CIROZ: variants seen among roughly 807,000 people sequenced by gnomAD.
CIROZ encodes the protein ciliated left-right organizer protein containing ZP-N domains.
the CIROZ span, chr1:10,981,929 G>GAAT: frequency 1.3e-3 from 1,915 of 1,486,566 alleles, 18 homozygotes; most frequent in African/African-American, 0.021. Flanking sequence ...GATTCTGATG[G>GAAT]AAGATATTTG....
the CIROZ span, chr1:10,949,850 A>G: frequency 1.3e-6 from 2 of 1,493,788 alleles, no homozygotes; most frequent in Non-Finnish European, 1.8e-6. Context: ...CCTTCCTCCT[A>G]AGGAAGCAAA....
chr1:10,967,391 G>A, the CIROZ span, among the ~76,000 whole-genome samples: 1 of 151,996 alleles, frequency 6.6e-6, no homozygotes, highest in Non-Finnish European at 1.5e-5. Context: ...TATCCACATG[G>A]CTGACTCCCC....
the CIROZ span, chr1:10,964,403 A>T: frequency 8.8e-7 from 1 of 1,139,630 alleles, no homozygotes; most frequent in Non-Finnish European, 1.2e-6. Context: ...CTTGTGGAAG[A>T]GGGATGGGAA....
chr1:10,968,703 T>C, the CIROZ span, among the ~76,000 whole-genome samples: 1 of 152,214 alleles, frequency 6.6e-6, no homozygotes, highest in Non-Finnish European at 1.5e-5. Flanking sequence ...CATCCCCACC[T>C]GGCGCTGCCA....
At chr1:10,961,801 TA>T in the CIROZ span, among the ~76,000 whole-genome samples, 6 of 151,600 alleles carry the variant, frequency 4.0e-5, no homozygotes, top group African/African-American at 1.5e-4. Context: ...AAAAATATTT[TA>T]AAAATCAACT....
chr1:10,977,151 C>T, the CIROZ span, among the ~76,000 whole-genome samples: 1 of 151,752 alleles, frequency 6.6e-6, no homozygotes, highest in Non-Finnish European at 1.5e-5. Flanking sequence ...TACAGTGAGA[C>T]CCTAGTGCTG....
the CIROZ span, chr1:10,954,071 G>C: frequency 6.2e-7 from 1 of 1,613,682 alleles, no homozygotes; most frequent in Non-Finnish European, 8.5e-7. Context: ...CAGCCATCTC[G>C]GCAAATTCCA....
the CIROZ span, chr1:10,964,181 G>T: frequency 3.7e-6 from 6 of 1,613,988 alleles, no homozygotes; most frequent in Non-Finnish European, 3.4e-6. Context: ...CTTGACCTTA[G>T]CATCGGACAC....
chr1:10,947,065 C>T, the CIROZ span, among the ~76,000 whole-genome samples: 28 of 152,348 alleles, frequency 1.8e-4, no homozygotes, highest in South Asian at 3.3e-3. Context: ...AAATGCTCTA[C>T]GTTCCTTTCC....
chr1:10,951,813 ATC>A, the CIROZ span, among the ~76,000 whole-genome samples: 1 of 150,030 alleles, frequency 6.7e-6, no homozygotes, highest in Non-Finnish European at 1.5e-5. Flanking sequence ...TATCTAAACC[ATC>A]TCTTAGATTT....
At chr1:10,947,413 C>T in the CIROZ span, among the ~76,000 whole-genome samples, 1 of 152,246 alleles carries the variant, frequency 6.6e-6, no homozygotes, top group African/African-American at 2.4e-5. Flanking sequence ...GGTTCCATGG[C>T]AGCAGCTGGT....
the CIROZ span, chr1:10,955,207 G>C: frequency 1.9e-6 from 3 of 1,580,734 alleles, no homozygotes; most frequent in South Asian, 2.3e-5. Context: ...AAGGACACAG[G>C]ACACAGAAAA....
chr1:10,955,303 C>A, the CIROZ span: 1 of 917,398 alleles, frequency 1.1e-6, no homozygotes, highest in Non-Finnish European at 1.6e-6. Flanking sequence ...AGCACACTTC[C>A]CCAGTCAGTG....
At chr1:10,948,878 A>T in the CIROZ span, 1 of 1,469,206 alleles carries the variant, frequency 6.8e-7, no homozygotes, top group East Asian at 2.3e-5. Context: ...GAGAAAAAGC[A>T]TTAGAAACAA....
At chr1:10,977,305 G>A in the CIROZ span, among the ~76,000 whole-genome samples, 65 of 152,080 alleles carry the variant, frequency 4.3e-4, no homozygotes. Flanking sequence ...CCAACATGGT[G>A]AAACCCCGTC....
chr1:10,953,914 G>A, the CIROZ span: 18 of 1,456,090 alleles, frequency 1.2e-5, no homozygotes, highest in South Asian at 1.4e-5. Context: ...CGGGTCCAGG[G>A]AGTGAAACAT....
At chr1:10,956,425 C>G in the CIROZ span, among the ~76,000 whole-genome samples, 3 of 152,034 alleles carry the variant, frequency 2.0e-5, no homozygotes, top group Admixed American at 1.3e-4. Flanking sequence ...AGCTTAGGAG[C>G]TCCCAAGAAT....
At chr1:10,959,320 C>T in the CIROZ span, among the ~76,000 whole-genome samples, 11 of 152,128 alleles carry the variant, frequency 7.2e-5, no homozygotes, top group East Asian at 5.8e-4. The surrounding 1 kb of genome is among the most constrained non-coding windows in gnomAD (Gnocchi z 4.3). Flanking sequence ...CCAGGCAAAC[C>T]GAGACAGTGG....
chr1:10,960,800 C>T, the CIROZ span, among the ~76,000 whole-genome samples: 3 of 152,146 alleles, frequency 2.0e-5, no homozygotes, highest in Admixed American at 1.3e-4. The surrounding 1 kb of genome is among the most constrained non-coding windows in gnomAD (Gnocchi z 4.6). Context: ...GCCGGTGAAA[C>T]GGCTTTAATT....
Sources: allele counts gnomAD v4.1 joint callset (sites outside exome capture counted in the v4.1 genomes callset), GRCh38; gene constraint gnomAD v4.1.1; non-coding constraint Gnocchi (gnomAD v3.1); transcripts MANE v1.5; gene names NCBI Gene and HGNC (gene_info 2026-07-23, HGNC 2026-07-21).